Variants in NOA1 observed in about 807,000 individuals in gnomAD.
NOA1 encodes the protein nitric oxide associated 1, also known as nitric oxide-associated protein 1.
A neutral mutation model predicts 58.4 loss-of-function variants in NOA1; 35 were observed. The observed-to-expected ratio is 0.60, with a 90% CI of 0.46 to 0.79. The LOEUF (loss-of-function observed/expected upper bound fraction) is 0.79. NOA1 is among the 30% of genes least tolerant of loss of function. The pLI, the probability that NOA1 is intolerant of heterozygous loss-of-function variation, is 0.00. For synonymous variants in NOA1, 397 were observed against 373.4 expected (o/e 1.06, Z -0.73); for missense variants, 895 against 894.6 (o/e 1.00, Z -0.01).
intron 1 of NOA1, 67 bp downstream of exon 1, chr4:56,976,375 G>A: frequency 1.4e-6 from 2 of 1,407,878 alleles, no homozygotes; most frequent in Non-Finnish European, 1.9e-6. Context: ...GATGTACTCG[G>A]TGCCTCGGCC....
chr4:56,973,880 G>A lies in NOA1; in HGVS notation c.1287C>T (p.Leu429=), dbSNP rs770072046. The change falls in exon 2 of 7, where the codon CTC becomes CTT. Residue 429 remains leucine (L), a synonymous_variant. Transcript: ENST00000264230. ...TACCTACGACATAACCATGCTTTTTGAGGACATTAAGCTGATTTTGTTCTT... is the reference window on the plus strand; with the variant it reads ...TACCTACGACATAACCATGCTTTTTAAGGACATTAAGCTGATTTTGTTCTT... ...SEQEQNQLNV[L]KKHGYVVGRV... is the part of the protein sequence containing the mutation. 1 of 1,614,068 alleles carries A rather than the reference G, an allele frequency of 6.2e-7. No homozygotes were observed. Among genetic ancestry groups the A allele is most frequent in the South Asian group, 1.1e-5 (1 of 91,072 alleles).
At chr4:56,976,405 G>T in intron 1 of NOA1, 37 bp downstream of exon 1, 1 of 1,572,306 alleles carries the variant, frequency 6.4e-7, no homozygotes, top group Non-Finnish European at 8.7e-7. Context: ...CGTCCACCTT[G>T]CCAGGAAACG....
At chr4:56,972,121 T>C (rs1416593673) in intron 3 of NOA1, among the ~76,000 whole-genome samples, 5 of 152,158 alleles carry the variant, frequency 3.3e-5, no homozygotes, top group Non-Finnish European at 7.4e-5. Flanking sequence ...CTCCTGACCT[T>C]GTGATCTGCC....
At chr4:56,964,983 C>G (rs375617535) in intron 5 of NOA1, among the ~76,000 whole-genome samples, 1 of 150,394 alleles carries the variant, frequency 6.6e-6, no homozygotes, top group African/African-American at 2.5e-5. Context: ...GGTGTTTCCA[C>G]GATTAGAAGT....
At chr4:56,974,090 G>T in intron 1 of NOA1, 68 bp from the exon 2 acceptor site, 4 of 812,154 alleles carry the variant, frequency 4.9e-6, no homozygotes, top group Non-Finnish European at 6.8e-6. Context: ...ACATTTTTGA[G>T]GATCTACACT....
chr4:56,968,656 C>G (rs1365625410), intron 3 of NOA1, 141 bp from the exon 4 acceptor site: 3 of 645,046 alleles, frequency 4.7e-6, no homozygotes, highest in African/African-American at 3.7e-5. Context: ...TGCTATGCAT[C>G]AAATTTATAT....
intron 3 of NOA1, 82 bp from the exon 4 acceptor site, chr4:56,968,597 T>A: frequency 8.4e-7 from 1 of 1,188,216 alleles, no homozygotes; most frequent in Non-Finnish European, 1.2e-6. Flanking sequence ...AAATAAAAAG[T>A]GATGAAAAAT....
chr4:56,968,130 C>A (rs1033594135), intron 4 of NOA1, among the ~76,000 whole-genome samples: 9 of 151,994 alleles, frequency 5.9e-5, no homozygotes, highest in Admixed American at 6.6e-5. Flanking sequence ...GTTGACCAGG[C>A]GGGTCTTGAT....
chr4:56,966,797 G>T, intron 4 of NOA1, 61 bp from the exon 5 acceptor site: 3 of 1,033,454 alleles, frequency 2.9e-6, no homozygotes, highest in South Asian at 1.4e-5. Context: ...CATATTCAAG[G>T]TACAATCAAC....
chr4:56,972,090 G>T (rs13121176), intron 3 of NOA1, among the ~76,000 whole-genome samples: 23,533 of 152,152 alleles, frequency 0.15, 2,104 homozygotes, highest in Admixed American at 0.25. Flanking sequence ...GTTTCACCGT[G>T]TTAGCCCAGA....
chr4:56,969,620 T>C (rs566081851), intron 3 of NOA1, among the ~76,000 whole-genome samples: 1 of 152,038 alleles, frequency 6.6e-6, no homozygotes, highest in South Asian at 2.1e-4. Flanking sequence ...AAATGATACA[T>C]AGCAGCTCAC....
Position 56,977,537 on chromosome 4 carries a change from C to T in NOA1, c.49G>A (p.Gly17Arg), listed in dbSNP as rs1265396191. 1 of 1,611,824 alleles carries T rather than the reference C, an allele frequency of 6.2e-7. No individual in the cohort carries two copies. ...PFRLLSLFLR[G>R]SAPTAARHGL... ...TGGCGCGCTGCCGTGGGAGCGGATC[C>T]ACGAAGGAAAAGGCTCAGCAGCCTG... The change falls in exon 1 of 7, where the codon GGA (glycine) becomes AGA (arginine). Residue 17 changes from glycine (G) to arginine (R), a missense_variant. Around this residue, in one of 3 missense-constraint regions of NOA1, gnomAD observed 680 missense variants for 656.5 expected, o/e 1.04. Transcript: ENST00000264230.
chr4:56,976,909 AG>A lies in NOA1; in HGVS notation c.676del (p.Leu226CysfsTer18). On this transcript the variant is annotated frameshift_variant, in exon 1 of 7. Transcript: ENST00000264230. LOFTEE classifies it high-confidence loss of function. ...CAAGTCGGGCAGCAGGGCGTCGGGC[AG>A]GTCCAGCAGGTCCACCATGTAGAGC... The part of the protein sequence containing the change: ...LVLYMVDLLD[L>X]PDALLPDLPA... The A allele has an allele frequency of 6.2e-7, 1 of 1,611,764 alleles. No homozygotes were observed. The highest frequency in any genetic ancestry group is 1.1e-5 in the South Asian group (1 of 91,060).
Position 56,973,349 on chromosome 4 carries a change from T to C in NOA1, c.1314A>G (p.Arg438=). The change falls in exon 3 of 7, where the codon AGA becomes AGG. Residue 438 remains arginine, a synonymous_variant. Coordinates refer to ENST00000264230, the MANE Select transcript of NOA1 (RefSeq NM_032313.4). The part of the protein sequence containing the change: ...VLKKHGYVVG[R]VGRTFLYSEE... ...CTGAATACAAGAATGTCCTTCCAAC[T>C]CTTCCTAGAACAAGTTATAGTAAGG... is the stretch of plus-strand genomic sequence containing the variant. The C allele has an allele frequency of 1.2e-6, 2 of 1,613,386 alleles. No homozygotes were observed. The highest frequency in any genetic ancestry group is 1.7e-6 in the Non-Finnish European group (2 of 1,179,318).
intron 5 of NOA1, among the ~76,000 whole-genome samples, chr4:56,965,882 G>A (rs1721694806): frequency 7.2e-6 from 1 of 139,534 alleles, no homozygotes; most frequent in African/African-American, 2.7e-5. Context: ...TGTCACCCAG[G>A]CTAGAGTGCA....
intron 3 of NOA1, 49 bp from the exon 4 acceptor site, chr4:56,968,564 TG>T: frequency 7.2e-7 from 1 of 1,380,288 alleles, no homozygotes; most frequent in Non-Finnish European, 1.0e-6. Flanking sequence ...ATTGAAAATA[TG>T]ATATATTATG....
In NOA1 at chr4:56,976,505, A is replaced by C; in HGVS notation, c.1081T>G (p.Ser361Ala). The C allele has an allele frequency of 6.2e-7, 1 of 1,614,014 alleles. No homozygotes were observed. Among genetic ancestry groups the C allele is most frequent in the Non-Finnish European group, 8.5e-7 (1 of 1,179,996 alleles). ...KSTLFNTLLE[S>A]DYCTAKGSEA... is the part of the protein sequence containing the mutation. The stretch of plus-strand genomic sequence containing the variant: ...GAGCCCTTGGCAGTGCAGTAATCGG[A>C]CTCCAGGAGCGTGTTAAAGAGAGTG... Residue 361 changes from serine to alanine, a missense_variant, in exon 1 of 7, where the codon TCC (serine) becomes GCC (alanine). Transcript: ENST00000264230.
intron 5 of NOA1, among the ~76,000 whole-genome samples, chr4:56,965,722 G>GTGTT (rs1252578670): frequency 7.1e-5 from 10 of 140,498 alleles, no homozygotes; most frequent in Non-Finnish European, 1.4e-4. Flanking sequence ...GTGTGTGTGT[G>GTGTT]TGTGTATTGG....
At chr4:56,974,080 A>AAC in intron 1 of NOA1, 58 bp from the exon 2 acceptor site, 1 of 1,073,902 alleles carries the variant, frequency 9.3e-7, no homozygotes, top group South Asian at 2.3e-5. Context: ...AAGAAAATGA[A>AAC]CATTTTTGAG....
Sources: allele counts gnomAD v4.1 joint callset (sites outside exome capture counted in the v4.1 genomes callset), GRCh38; gene constraint gnomAD v4.1.1; regional missense constraint gnomAD v4.1.1; transcripts MANE v1.5; gene names NCBI Gene and HGNC (gene_info 2026-07-23, HGNC 2026-07-21).